The following DLG2 variants were observed in gnomAD, a reference collection of about 807,000 sequenced individuals.
The protein encoded by DLG2 is discs large MAGUK scaffold protein 2.
Under a neutral mutation model 132.5 loss-of-function variants are expected in DLG2, and 45 were observed. That is an observed-to-expected ratio of 0.34 (90% CI 0.27 to 0.44). DLG2 has a LOEUF of 0.44. Among genes scored for constraint, DLG2 ranks in the 20% least tolerant of loss-of-function variants. DLG2 has a pLI of 1.00. For synonymous variants in DLG2, 424 were observed against 419.6 expected (o/e 1.01, Z -0.13); for missense variants, 1,045 against 1,196.9 (o/e 0.87, Z 1.87).
intron 6 of DLG2, among the ~76,000 whole-genome samples, chr11:85,078,494 T>C (rs1003993780): frequency 4.6e-5 from 7 of 151,774 alleles, no homozygotes; most frequent in African/African-American, 1.7e-4. Flanking sequence ...TAGTAAGACA[T>C]ATAGAAGGGG....
Position 83,908,053 on chromosome 11 carries a change from G to A in DLG2, c.1496+22275C>T, listed in dbSNP as rs139651029. ...TATTGGTTTCTAAAGTGCAATTCAA[G>A]TACCTGCAACATTGGCATCTCCTGA... On this transcript the variant is annotated intron_variant, in intron 15 of 27. Coordinates refer to ENST00000376104, the MANE Select transcript of DLG2 (RefSeq NM_001142699.3). 1.1e-4 allele frequency among the ~76,000 whole-genome samples: 16 copies of A among 152,252 alleles called. No individual in the cohort carries two copies. The East Asian group carries it at 3.1e-3, about 29-fold the overall frequency.
chr11:84,522,182 A>C (rs994071613), intron 7 of DLG2, among the ~76,000 whole-genome samples: 1 of 138,258 alleles, frequency 7.2e-6, no homozygotes, highest in East Asian at 2.0e-4. Context: ...ACGAACAAAC[A>C]AAAAAAAAAA....
rs868658024 is a variant in DLG2, at chr11:83,856,955, T to C, written c.1565+17465A>G. Among the ~76,000 whole-genome samples the C allele has an allele frequency of 2.0e-5, 3 of 152,226 alleles. No homozygotes were observed. The South Asian group carries it at 6.2e-4, about 31-fold the overall frequency. ...TTGTCTTCCAGGGATTTTATAGTTT[T>C]GGGTTTTACATTTAAGTGTTTAATC... is the stretch of plus-strand genomic sequence containing the variant. On this transcript the variant is annotated intron_variant, in intron 16 of 27. Transcript: ENST00000376104.
chr11:84,533,497 AT>A (rs1251588764), intron 7 of DLG2, among the ~76,000 whole-genome samples: 36 of 152,236 alleles, frequency 2.4e-4, no homozygotes, highest in African/African-American at 8.2e-4. Flanking sequence ...TTGGTCTAAT[AT>A]TTTTATGTAT....
chr11:85,090,626 C>T (rs566204978), intron 6 of DLG2, among the ~76,000 whole-genome samples: 22 of 152,290 alleles, frequency 1.4e-4, no homozygotes, highest in African/African-American at 5.1e-4. Context: ...TTCTCCTCAA[C>T]AATATCTCAT....
intron 5 of DLG2, among the ~76,000 whole-genome samples, chr11:85,126,780 A>G (rs538174237): frequency 3.4e-4 from 52 of 152,310 alleles, no homozygotes; most frequent in African/African-American, 1.3e-3. Flanking sequence ...CTAACAAAGA[A>G]CAGAGTGCCT....
chr11:84,548,567 T>C (rs1049667736), intron 6 of DLG2, among the ~76,000 whole-genome samples: 2 of 152,120 alleles, frequency 1.3e-5, no homozygotes, highest in African/African-American at 4.8e-5. Flanking sequence ...TTGCTGAGAA[T>C]GATGGTTTCC....
intron 8 of DLG2, among the ~76,000 whole-genome samples, chr11:84,175,240 G>C (rs1416747516): frequency 6.6e-6 from 1 of 152,046 alleles, no homozygotes. Flanking sequence ...TCTTCCTCTT[G>C]CCAGCTCCTC....
intron 27 of DLG2, 129 bp from the exon 28 acceptor site, chr11:83,460,053 A>G (rs967403286): frequency 5.3e-6 from 3 of 564,408 alleles, no homozygotes; most frequent in Admixed American, 3.1e-5. Flanking sequence ...ATCATTTTTC[A>G]TTAGTAAGAA....
intron 11 of DLG2, among the ~76,000 whole-genome samples, chr11:83,987,875 C>G (rs1592452591): frequency 6.6e-6 from 1 of 152,122 alleles, no homozygotes; most frequent in African/African-American, 2.4e-5. Flanking sequence ...ATTTGCATTT[C>G]TCTAATGATT....
At chr11:84,004,709 C>T (rs1325974082) in intron 11 of DLG2, among the ~76,000 whole-genome samples, 1 of 151,734 alleles carries the variant, frequency 6.6e-6, no homozygotes. Flanking sequence ...TACCTAGGAA[C>T]AGATTTAACC....
intron 3 of DLG2, among the ~76,000 whole-genome samples, chr11:85,430,318 G>A (rs755508484): frequency 3.5e-4 from 53 of 151,032 alleles, no homozygotes; most frequent in Non-Finnish European, 5.6e-4. Context: ...TAACCTGCGC[G>A]TTGTGCACAT....
At chr11:84,029,944 C>A (rs1312872649) in intron 11 of DLG2, among the ~76,000 whole-genome samples, 1 of 152,110 alleles carries the variant, frequency 6.6e-6, no homozygotes, top group Non-Finnish European at 1.5e-5. Context: ...TCATTATACC[C>A]TGCTTTTATC....
chr11:84,513,557 G>A (rs2099263393), intron 7 of DLG2, among the ~76,000 whole-genome samples: 1 of 151,928 alleles, frequency 6.6e-6, no homozygotes, highest in African/African-American at 2.4e-5. Context: ...ACTCATTTTT[G>A]ACAAAGGTGC....
At chr11:85,114,855 C>T (rs1433851692) in intron 5 of DLG2, among the ~76,000 whole-genome samples, 1 of 151,756 alleles carries the variant, frequency 6.6e-6, no homozygotes, top group Non-Finnish European at 1.5e-5. Context: ...GTATCAGGGG[C>T]TTATACACAG....
At chr11:83,872,249 C>T (rs796545431) in intron 16 of DLG2, among the ~76,000 whole-genome samples, 24 of 152,206 alleles carry the variant, frequency 1.6e-4, no homozygotes, top group African/African-American at 4.8e-4. Flanking sequence ...GGTGACAGAG[C>T]GAGACTCCAT....
At chr11:85,574,158 T>C (rs1260928401) in intron 3 of DLG2, among the ~76,000 whole-genome samples, 1 of 152,108 alleles carries the variant, frequency 6.6e-6, no homozygotes, top group African/African-American at 2.4e-5. Flanking sequence ...ATTATCAAGC[T>C]TCAGAGAATT....
intron 18 of DLG2, chr11:83,647,958 C>T (rs369026573): frequency 6.6e-6 from 1 of 152,130 alleles, no homozygotes; most frequent in Non-Finnish European, 1.5e-5. Flanking sequence ...CAAAGAAGTA[C>T]AGAAGACCTC....
intron 6 of DLG2, among the ~76,000 whole-genome samples, chr11:84,773,816 C>G (rs757752719): frequency 5.3e-5 from 8 of 152,060 alleles, no homozygotes; most frequent in Middle Eastern, 3.2e-3. Context: ...CTATGACAAA[C>G]CCACAGCCAA....
Sources: allele counts gnomAD v4.1 joint callset (sites outside exome capture counted in the v4.1 genomes callset), GRCh38; gene constraint gnomAD v4.1.1; transcripts MANE v1.5; gene names NCBI Gene and HGNC (gene_info 2026-07-23, HGNC 2026-07-21).